The following PPP2R5A variants were observed in gnomAD, a reference collection of about 807,000 sequenced individuals.
The protein encoded by PPP2R5A is serine/threonine-protein phosphatase 2A 56 kDa regulatory subunit alpha isoform.
A neutral mutation model predicts 64.2 loss-of-function variants in PPP2R5A; 25 were observed. The ratio of observed to expected loss-of-function variants is 0.39; its 90% confidence interval spans 0.28 to 0.54. The LOEUF (loss-of-function observed/expected upper bound fraction) is 0.54. Ranked by LOEUF, PPP2R5A falls within the 20% of genes least tolerant of loss-of-function variation. The probability of loss-of-function intolerance (pLI) is 0.67; values close to 1 mark genes in which losing one functional copy is unlikely to be tolerated. For synonymous variants in PPP2R5A, 198 were observed against 201.2 expected (o/e 0.98, Z 0.13); for missense variants, 425 against 576.3 (o/e 0.74, Z 2.69).
intron 3 of PPP2R5A, among the ~76,000 whole-genome samples, chr1:212,334,344 T>G (rs573344606): frequency 6.9e-4 from 105 of 152,142 alleles, no homozygotes; most frequent in African/African-American, 2.5e-3. Context: ...GGCTGGAGTG[T>G]AGTGGAGTGG....
Position 212,342,206 on chromosome 1 carries a change from T to C in PPP2R5A, c.499T>C (p.Leu167=), listed in dbSNP as rs775228993. 3.7e-6 allele frequency: 6 copies of C among 1,613,620 alleles called. No homozygotes were observed. In the East Asian group the frequency reaches 6.7e-5, roughly 18 times the overall value. The change falls in exon 4 of 13, where the codon TTG becomes CTG. Residue 167 remains leucine, a synonymous_variant. Coordinates refer to ENST00000261461, the MANE Select transcript of PPP2R5A (RefSeq NM_006243.4). ...PHIQLVYEFF[L]RFLESPDFQP... is the part of the protein sequence containing the mutation. ...CTCATAGTTGGTATATGAATTCTTCTTGAGATTTTTGGAGAGCCCTGATTT... is the reference window on the plus strand; with the variant it reads ...CTCATAGTTGGTATATGAATTCTTCCTGAGATTTTTGGAGAGCCCTGATTT...
At chr1:212,347,067 CTTATTAA>C (rs533100457) in intron 5 of PPP2R5A, among the ~76,000 whole-genome samples, 41 of 152,164 alleles carry the variant, frequency 2.7e-4, no homozygotes, top group Admixed American at 7.2e-4. Context: ...ACTTATCTTT[CTTATTAA>C]TTATTAAGTT....
intron 2 of PPP2R5A, among the ~76,000 whole-genome samples, chr1:212,330,592 C>T (rs1052805705): frequency 7.9e-5 from 12 of 151,468 alleles, no homozygotes; most frequent in South Asian, 4.2e-4. Context: ...ATTAGAGAGT[C>T]GCTGAGTACA....
At chr1:212,309,618 C>T (rs945139264) in intron 1 of PPP2R5A, 17 of 584,082 alleles carry the variant, frequency 2.9e-5, no homozygotes, top group Non-Finnish European at 3.6e-5. Context: ...ATCCAACATA[C>T]GGTCACTCTC....
At chr1:212,313,011 A>C (rs1659067450) in intron 1 of PPP2R5A, among the ~76,000 whole-genome samples, 1 of 152,238 alleles carries the variant, frequency 6.6e-6, no homozygotes, top group African/African-American at 2.4e-5. Context: ...TTCTCTGTAT[A>C]GTTGCCTTCT....
intron 1 of PPP2R5A, among the ~76,000 whole-genome samples, chr1:212,315,820 A>G (rs1659139948): frequency 6.6e-6 from 1 of 151,654 alleles, no homozygotes; most frequent in African/African-American, 2.4e-5. Context: ...TGTTGGTCCC[A>G]TTTTTCCAAT....
chr1:212,286,692 C>T (rs947884024), intron 1 of PPP2R5A, among the ~76,000 whole-genome samples: 7 of 152,292 alleles, frequency 4.6e-5, no homozygotes, highest in East Asian at 1.9e-4. Flanking sequence ...CGAGTGTCAG[C>T]TCCTCTGTTC....
chr1:212,293,311 G>A (rs1228849957), intron 1 of PPP2R5A, among the ~76,000 whole-genome samples: 3 of 152,188 alleles, frequency 2.0e-5, no homozygotes, highest in Non-Finnish European at 4.4e-5. Flanking sequence ...TCCTAGACAT[G>A]GACATGTGTG....
At chr1:212,299,814 C>CTT (rs59480144) in intron 1 of PPP2R5A, among the ~76,000 whole-genome samples, 8 of 141,936 alleles carry the variant, frequency 5.6e-5, no homozygotes, top group South Asian at 4.5e-4. Flanking sequence ...CTTCATAAGA[C>CTT]TTTTTTTTTT....
At chr1:212,358,926 G>T (rs535903683) in intron 12 of PPP2R5A, 139 bp downstream of exon 12, 40 of 556,402 alleles carry the variant, frequency 7.2e-5, no homozygotes, top group African/African-American at 6.4e-4. Context: ...ATTACAATGT[G>T]AAAGTCTCTT....
chr1:212,339,496 A>T (rs1009986264), intron 3 of PPP2R5A, among the ~76,000 whole-genome samples: 6 of 152,082 alleles, frequency 3.9e-5, no homozygotes, highest in Non-Finnish European at 8.8e-5. Context: ...TATTTAAGTA[A>T]CTTTTTGTCA....
At chr1:212,350,475 G>A (rs1224140449) in intron 8 of PPP2R5A, among the ~76,000 whole-genome samples, 2 of 152,014 alleles carry the variant, frequency 1.3e-5, no homozygotes, top group Non-Finnish European at 2.9e-5. Context: ...CCAACATGGT[G>A]AAACCCTGTC....
chr1:212,297,095 T>C (rs1658707408), intron 1 of PPP2R5A, among the ~76,000 whole-genome samples: 1 of 120,184 alleles, frequency 8.3e-6, no homozygotes, highest in South Asian at 2.7e-4. Context: ...CTTTGCTTCT[T>C]CTTTTTTTTT....
intron 1 of PPP2R5A, among the ~76,000 whole-genome samples, chr1:212,308,800 A>G (rs1341443168): frequency 2.6e-5 from 4 of 151,794 alleles, no homozygotes; most frequent in Non-Finnish European, 5.9e-5. Flanking sequence ...CAGATTGCAT[A>G]ATTTCTGTTG....
chr1:212,360,875 C>A lies in PPP2R5A; in HGVS notation c.*105C>A. ...TCATCAGTATAATATAATTAAAAGG[C>A]CAATTTTTTCTGGCAACTGTAAATG... On this transcript the variant is annotated 3_prime_UTR_variant, in exon 13 of 13. Coordinates refer to ENST00000261461, the MANE Select transcript of PPP2R5A (RefSeq NM_006243.4). 1 of 1,147,650 alleles carries A rather than the reference C, an allele frequency of 8.7e-7. No homozygotes were observed. The highest frequency in any genetic ancestry group is 1.2e-6 in the Non-Finnish European group (1 of 869,426). The allele number at this position is 1,147,650 out of a possible 1,614,324, so 71.1% of individuals were successfully genotyped here.
chr1:212,286,384 T>C, intron 1 of PPP2R5A, 93 bp downstream of exon 1: 1 of 1,339,930 alleles, frequency 7.5e-7, no homozygotes, highest in Non-Finnish European at 9.7e-7. Context: ...GGGTTTCTCC[T>C]GCTCAGTTGG....
intron 1 of PPP2R5A, among the ~76,000 whole-genome samples, chr1:212,322,706 A>G (rs887940436): frequency 1.3e-5 from 2 of 152,160 alleles, no homozygotes; most frequent in African/African-American, 4.8e-5. Flanking sequence ...GCCCTTAAAT[A>G]TAGCAGTGAA....
At chr1:212,292,142 C>T (rs1658611798) in intron 1 of PPP2R5A, among the ~76,000 whole-genome samples, 4 of 152,198 alleles carry the variant, frequency 2.6e-5, no homozygotes, top group African/African-American at 4.8e-5. Flanking sequence ...AGAGTGTTTT[C>T]GTGTCTATCA....
At chr1:212,297,125 TTTTTTTTTTTTTTG>T (rs1348207360) in intron 1 of PPP2R5A, among the ~76,000 whole-genome samples, 1,275 of 15,016 alleles carry the variant, frequency 0.085, 241 homozygotes, top group African/African-American at 0.23. Context: ...TTTTTTTTTT[TTTTTTTTTTTTTTG>T]GAGACGGAGT....
Sources: gnomAD v4.1 joint callset for allele counts (sites outside exome capture counted in the v4.1 genomes callset) on GRCh38, gnomAD v4.1.1 for gene constraint, MANE v1.5 for transcripts, NCBI Gene and HGNC (gene_info 2026-07-23, HGNC 2026-07-21) for gene names.